The following BACE2 variants were observed in gnomAD, a reference collection of about 807,000 sequenced individuals.
The protein encoded by BACE2 is 56 kDa aspartic-like protease.
Under a neutral mutation model 46.2 loss-of-function variants are expected in BACE2, and 17 were observed. The observed-to-expected ratio is 0.37, with a 90% confidence interval of 0.25 to 0.55. BACE2 has a LOEUF of 0.55. Among genes scored for constraint, BACE2 ranks in the 20% least tolerant of loss-of-function variants. BACE2 has a pLI of 0.82. For missense variants in BACE2, 595 were observed against 698.1 expected (o/e 0.85, Z 1.66); for synonymous variants, 277 against 295.9 (o/e 0.94, Z 0.66).
In BACE2 at chr21:41,262,215, C is replaced by G. The variant is rs531000139; in HGVS notation, c.1303+4889C>G. ...GTATCATATTCAGTTTTATCTATTC[C>G]CTAATGATATACCGCATTGATTTTG... On this transcript the variant is annotated intron_variant, in intron 8 of 8. Coordinates refer to ENST00000330333, the MANE Select transcript of BACE2 (RefSeq NM_012105.5). Among the ~76,000 whole-genome samples the G allele has an allele frequency of 7.2e-5, 11 of 152,226 alleles. No homozygotes were observed. The East Asian group carries it at 2.1e-3, about 29-fold the overall frequency.
At chr21:41,257,679 A>G (rs1987827491) in intron 8 of BACE2, among the ~76,000 whole-genome samples, 1 of 152,212 alleles carries the variant, frequency 6.6e-6, no homozygotes, top group South Asian at 2.1e-4. Context: ...AGCCGTGTAC[A>G]TTTATTTGTC....
intron 6 of BACE2, among the ~76,000 whole-genome samples, chr21:41,249,946 C>T (rs923420295): frequency 4.6e-5 from 7 of 152,290 alleles, no homozygotes; most frequent in Middle Eastern, 3.4e-3. Flanking sequence ...CCTGTGTTGC[C>T]GGCCACCTTT....
intron 1 of BACE2, among the ~76,000 whole-genome samples, chr21:41,220,154 A>G (rs1027026249): frequency 1.4e-5 from 2 of 147,444 alleles, no homozygotes; most frequent in African/African-American, 5.4e-5. Flanking sequence ...GTTACAGAAG[A>G]TACAGATGAA....
chr21:41,207,316 A>C lies in BACE2; in HGVS notation c.313-18950A>C, dbSNP rs1038548845. The stretch of plus-strand genomic sequence containing the variant: ...ATTCTACTTATCCCCCTCCCCAACT[A>C]TCATCAAAGTATGAAGGTCAGAGCT... On this transcript the variant is annotated intron_variant, in intron 1 of 8. Coordinates refer to ENST00000330333, the MANE Select transcript of BACE2 (RefSeq NM_012105.5). 2.0e-5 allele frequency among the ~76,000 whole-genome samples: 3 copies of C among 152,160 alleles called. 1 individual carries two copies. Among genetic ancestry groups the C allele is most frequent in the Admixed American group, 2.0e-4 (3 of 15,286 alleles).
chr21:41,230,850 G>T (rs767343424), intron 2 of BACE2, among the ~76,000 whole-genome samples: 5 of 152,130 alleles, frequency 3.3e-5, no homozygotes, highest in Non-Finnish European at 7.3e-5. Context: ...GAAAAGAAAA[G>T]ATCATGTATT....
chr21:41,189,740 A>G (rs752892415), intron 1 of BACE2, among the ~76,000 whole-genome samples: 2 of 152,230 alleles, frequency 1.3e-5, no homozygotes, highest in Non-Finnish European at 2.9e-5. Flanking sequence ...TTGTTTTATT[A>G]GTCAGGGTTC....
rs193155246 is a variant in BACE2, at chr21:41,219,112, C to T, written c.313-7154C>T. ...TCCTAACCTCATGATCTGCCTGCCTCGGCCTCCCAAAGTGCTGGGATTACA... is the reference window on the plus strand; with the variant it reads ...TCCTAACCTCATGATCTGCCTGCCTTGGCCTCCCAAAGTGCTGGGATTACA... On this transcript the variant is annotated intron_variant, in intron 1 of 8. Coordinates refer to ENST00000330333, the MANE Select transcript of BACE2 (RefSeq NM_012105.5). 9.2e-4 allele frequency among the ~76,000 whole-genome samples: 140 copies of T among 152,314 alleles called. 4 individuals carry two copies. Among genetic ancestry groups the T allele is most frequent in the Admixed American group, 8.8e-3 (135 of 15,302 alleles).
intron 1 of BACE2, among the ~76,000 whole-genome samples, chr21:41,200,370 G>C (rs1030184730): frequency 2.0e-5 from 3 of 152,090 alleles, no homozygotes; most frequent in Non-Finnish European, 4.4e-5. Context: ...AGTTTACCTC[G>C]GTTTGTGGAG....
chr21:41,215,745 G>A (rs1412245265), intron 1 of BACE2, among the ~76,000 whole-genome samples: 1 of 152,246 alleles, frequency 6.6e-6, no homozygotes, highest in Non-Finnish European at 1.5e-5. Context: ...TTCCTCAGAT[G>A]TAAAGTGGGG....
At chr21:41,233,947 C>A (rs1987037871) in intron 2 of BACE2, among the ~76,000 whole-genome samples, 1 of 152,126 alleles carries the variant, frequency 6.6e-6, no homozygotes. Context: ...GGTGACATAG[C>A]GAGACTCCAT....
At position 41,274,484 on chromosome 21, in the gene BACE2, G is replaced by GA. The variant is rs1441702714; in HGVS notation, c.1304-882dup. On this transcript the variant is annotated intron_variant, in intron 8 of 8. Coordinates refer to ENST00000330333, the MANE Select transcript of BACE2 (RefSeq NM_012105.5). The stretch of plus-strand genomic sequence containing the variant: ...TATTCATTTCTGTGATTAAATATAG[G>GA]AAAAATGGGTAATGAGGCCTATTTC... Among the ~76,000 whole-genome samples the GA allele has an allele frequency of 3.9e-5, 6 of 152,054 alleles. No individual in the cohort carries two copies. In the East Asian group the frequency reaches 1.2e-3, roughly 29 times the overall value.
At chr21:41,171,472 G>A (rs938539038) in intron 1 of BACE2, among the ~76,000 whole-genome samples, 2 of 152,248 alleles carry the variant, frequency 1.3e-5, no homozygotes, top group African/African-American at 4.8e-5. Flanking sequence ...CCGCCTGAGA[G>A]CTGCAAGGCG....
At position 41,281,563 on chromosome 21, in the gene BACE2, G is replaced by A. The variant is rs112089366; in HGVS notation, c.*5939G>A. 1.9e-4 allele frequency: 29 copies of A among 152,320 alleles called. 1 individual carries two copies. The highest frequency in any genetic ancestry group is 7.0e-4 in the African/African-American group (29 of 41,578). 9.4% of individuals were successfully genotyped at this position (152,320 alleles called of 1,614,324 possible). A position where few individuals can be genotyped will look rare whatever the true frequency, so the allele number is the denominator to read the frequency against. ...GGTCATTGCAAGTTCCCTGATATGAGTATGGTTTCGCTTGCTACATTGTGC... is the reference window on the plus strand; with the variant it reads ...GGTCATTGCAAGTTCCCTGATATGAATATGGTTTCGCTTGCTACATTGTGC... On this transcript the variant is annotated 3_prime_UTR_variant, in exon 9 of 9. Coordinates refer to ENST00000330333, the MANE Select transcript of BACE2 (RefSeq NM_012105.5).
chr21:41,174,959 A>G (rs1340148104), intron 1 of BACE2, among the ~76,000 whole-genome samples: 1 of 152,102 alleles, frequency 6.6e-6, no homozygotes, highest in Non-Finnish European at 1.5e-5. Context: ...CCTGGGTATA[A>G]ACATGTTTCT....
At chr21:41,219,302 C>T (rs1458398291) in intron 1 of BACE2, among the ~76,000 whole-genome samples, 2 of 152,086 alleles carry the variant, frequency 1.3e-5, no homozygotes, top group Non-Finnish European at 2.9e-5. Context: ...AGATGTAAAG[C>T]TTGCAGTTCA....
intron 6 of BACE2, 38 bp from the exon 7 acceptor site, chr21:41,250,714 A>T (rs1987612295): frequency 1.2e-6 from 2 of 1,607,680 alleles, no homozygotes. Flanking sequence ...GACGTGCCAG[A>T]CTAGTCATGG....
intron 8 of BACE2, among the ~76,000 whole-genome samples, chr21:41,258,450 T>C (rs17000761): frequency 0.023 from 3,479 of 152,282 alleles, 132 homozygotes; most frequent in African/African-American, 0.079. Flanking sequence ...GGTGAAGAGC[T>C]GCCAGGATGA....
At chr21:41,196,509 G>A (rs1265755239) in intron 1 of BACE2, among the ~76,000 whole-genome samples, 1 of 152,136 alleles carries the variant, frequency 6.6e-6, no homozygotes, top group Non-Finnish European at 1.5e-5. Context: ...CTACACCATC[G>A]AACATGATAT....
chr21:41,224,027 A>G (rs778897808), intron 1 of BACE2, among the ~76,000 whole-genome samples: 4 of 151,942 alleles, frequency 2.6e-5, no homozygotes, highest in Non-Finnish European at 5.9e-5. Context: ...GAAATCAGGA[A>G]AGTGTGGGGC....
Sources: gnomAD v4.1 joint callset for allele counts (sites outside exome capture counted in the v4.1 genomes callset) on GRCh38, gnomAD v4.1.1 for gene constraint, MANE v1.5 for transcripts, NCBI Gene and HGNC (gene_info 2026-07-23, HGNC 2026-07-21) for gene names.